The following OR14A2 variants were observed in gnomAD, a reference collection of about 807,000 sequenced individuals.
OR14A2 encodes olfactory receptor 14A2.
For missense variants in OR14A2, 237 were observed against 152.9 expected, an observed-to-expected ratio of 1.55 and a Z score of -2.90; for synonymous variants, 114 against 58.6, an observed-to-expected ratio of 1.95 and a Z score of -4.32.
exon 1 of OR14A2, chr1:247,723,603 C>A (rs998682497): frequency 8.4e-6 from 6 of 718,066 alleles, no homozygotes; most frequent in Non-Finnish European, 1.6e-5. Flanking sequence ...CTCCAATGGC[C>A]CAGGAAACAC....
chr1:247,730,540 T>G, the OR14A2 span, among the ~76,000 whole-genome samples: 3 of 152,104 alleles, frequency 2.0e-5, no homozygotes, highest in African/African-American at 4.8e-5. Context: ...TTTAAAAATT[T>G]GTTGGTTTTC....
chr1:247,742,234 T>G, the OR14A2 span, among the ~76,000 whole-genome samples: 2 of 152,234 alleles, frequency 1.3e-5, no homozygotes, highest in African/African-American at 2.4e-5. Flanking sequence ...TCTGGTTTTC[T>G]TATACCTCAA....
chr1:247,723,330 T>C (rs1660247885), exon 1 of OR14A2: 1 of 717,342 alleles, frequency 1.4e-6, no homozygotes, highest in Non-Finnish European at 2.6e-6. Context: ...GGGGGAAGCA[T>C]GTGGAAAAAG....
At chr1:247,739,954 G>A in the OR14A2 span, among the ~76,000 whole-genome samples, 11 of 152,170 alleles carry the variant, frequency 7.2e-5, no homozygotes, top group African/African-American at 1.4e-4. Context: ...CAAGCAATCC[G>A]TTGGTCTCAG....
the OR14A2 span, among the ~76,000 whole-genome samples, chr1:247,736,152 T>TCCCCTCCCCC: frequency 7.0e-6 from 1 of 143,176 alleles, no homozygotes; most frequent in African/African-American, 2.5e-5. Flanking sequence ...CATATAGGCC[T>TCCCCTCCCCC]CCCCTCCCCT....
chr1:247,746,243 T>C, the OR14A2 span: 1 of 152,206 alleles, frequency 6.6e-6, no homozygotes, highest in Non-Finnish European at 1.5e-5. Context: ...AGAAGAGTCA[T>C]TGTGAATAAT....
At chr1:247,741,864 T>C in the OR14A2 span, among the ~76,000 whole-genome samples, 1 of 152,194 alleles carries the variant, frequency 6.6e-6, no homozygotes, top group Non-Finnish European at 1.5e-5. Flanking sequence ...CATTGTACTA[T>C]ACCTACGTGC....
the OR14A2 span, among the ~76,000 whole-genome samples, chr1:247,742,457 T>TAC: frequency 4.6e-3 from 690 of 150,854 alleles, 5 homozygotes; most frequent in Middle Eastern, 0.045. Flanking sequence ...GTTGAGATAA[T>TAC]ACACACACAC....
the OR14A2 span, chr1:247,746,447 A>G: frequency 6.6e-6 from 1 of 152,208 alleles, no homozygotes; most frequent in Non-Finnish European, 1.5e-5. Context: ...GAACCATGCT[A>G]TGGAGAAGGA....
chr1:247,731,661 G>A, the OR14A2 span, among the ~76,000 whole-genome samples: 1 of 151,586 alleles, frequency 6.6e-6, no homozygotes, highest in Non-Finnish European at 1.5e-5. Flanking sequence ...TTTAATTTCA[G>A]AAATAGAAAT....
the OR14A2 span, chr1:247,746,204 T>C: frequency 6.6e-6 from 1 of 152,246 alleles, no homozygotes; most frequent in Non-Finnish European, 1.5e-5. Flanking sequence ...TGTCTTTAGA[T>C]TGTGAATAAT....
the OR14A2 span, chr1:247,739,096 C>T: frequency 1.3e-6 from 1 of 780,876 alleles, no homozygotes; most frequent in Non-Finnish European, 2.4e-6. Context: ...ACAGCTGGAA[C>T]ATTCTCTCTG....
exon 1 of OR14A2, chr1:247,723,607 G>A (rs1165708689): frequency 1.4e-6 from 1 of 718,354 alleles, no homozygotes; most frequent in South Asian, 1.5e-5. Flanking sequence ...AATGGCCCAG[G>A]AAACACTTGC....
At chr1:247,736,218 C>A in the OR14A2 span, among the ~76,000 whole-genome samples, 1 of 145,854 alleles carries the variant, frequency 6.9e-6, no homozygotes, top group Non-Finnish European at 1.5e-5. Context: ...TCTCTCCATT[C>A]CTCATATTCT....
At chr1:247,732,010 C>G in the OR14A2 span, among the ~76,000 whole-genome samples, 1 of 152,064 alleles carries the variant, frequency 6.6e-6, no homozygotes, top group Non-Finnish European at 1.5e-5. Flanking sequence ...TATTAACAAG[C>G]CATTTCTTCA....
At chr1:247,736,301 C>T in the OR14A2 span, among the ~76,000 whole-genome samples, 1 of 152,002 alleles carries the variant, frequency 6.6e-6, no homozygotes, top group Non-Finnish European at 1.5e-5. Flanking sequence ...TGAACTTACC[C>T]TATCTTCCCA....
chr1:247,735,827 CTGTT>C, the OR14A2 span, among the ~76,000 whole-genome samples: 50 of 152,278 alleles, frequency 3.3e-4, no homozygotes, highest in Admixed American at 1.3e-3. Context: ...ATATAGGAAA[CTGTT>C]TGCAGCATTC....
chr1:247,733,972 G>A, the OR14A2 span, among the ~76,000 whole-genome samples: 1 of 152,044 alleles, frequency 6.6e-6, no homozygotes, highest in Non-Finnish European at 1.5e-5. Flanking sequence ...ATAAAAATAA[G>A]GCTGTTACAT....
At chr1:247,734,596 C>T in the OR14A2 span, among the ~76,000 whole-genome samples, 6 of 152,134 alleles carry the variant, frequency 3.9e-5, no homozygotes, top group African/African-American at 1.4e-4. Flanking sequence ...GCTCAAAATA[C>T]TCAATGTTGC....
Sources: gnomAD v4.1 joint callset for allele counts (sites outside exome capture counted in the v4.1 genomes callset) on GRCh38, gnomAD v4.1.1 for gene constraint, MANE v1.5 for transcripts, NCBI Gene and HGNC (gene_info 2026-07-23, HGNC 2026-07-21) for gene names.